Variants in PPFIA2 observed in about 807,000 individuals in gnomAD.
PPFIA2 encodes the protein liprin-alpha-2.
Under a neutral mutation model 175.5 loss-of-function variants are expected in PPFIA2, and 46 were observed. The observed-to-expected ratio is 0.26, with a 90% CI of 0.21 to 0.34. The LOEUF is 0.34. Ranked by LOEUF, PPFIA2 falls within the 10% of genes least tolerant of loss-of-function variation. The pLI is 1.00. For missense variants in PPFIA2, 1,179 were observed against 1,506.1 expected (o/e 0.78, Z 3.60); for synonymous variants, 568 against 511.4 (o/e 1.11, Z -1.49).
intron 6 of PPFIA2, among the ~76,000 whole-genome samples, chr12:81,442,277 T>C (rs2050317276): frequency 6.6e-6 from 1 of 152,096 alleles, no homozygotes; most frequent in Non-Finnish European, 1.5e-5. Context: ...TATTTTGAGT[T>C]ATGTTATAAA....
At chr12:81,627,481 A>G (rs1019647022) in intron 4 of PPFIA2, among the ~76,000 whole-genome samples, 1 of 152,182 alleles carries the variant, frequency 6.6e-6, no homozygotes, top group African/African-American at 2.4e-5. Flanking sequence ...CTAGGAAAGT[A>G]CTGACAGTCT....
chr12:81,632,408 A>AAT (rs1449795059), intron 4 of PPFIA2, among the ~76,000 whole-genome samples: 3 of 152,006 alleles, frequency 2.0e-5, no homozygotes, highest in East Asian at 1.9e-4. Context: ...TATATATGTA[A>AAT]ATATATATAT....
At chr12:81,593,998 G>A (rs944929343) in intron 4 of PPFIA2, among the ~76,000 whole-genome samples, 5 of 152,190 alleles carry the variant, frequency 3.3e-5, no homozygotes, top group South Asian at 2.1e-4. Context: ...TCACATTACC[G>A]CCTGAGCTCT....
At chr12:81,363,466 G>A (rs1486398440) in intron 14 of PPFIA2, among the ~76,000 whole-genome samples, 2 of 151,534 alleles carry the variant, frequency 1.3e-5, no homozygotes, top group African/African-American at 4.8e-5. Flanking sequence ...GATAGGGGTT[G>A]TCTTAGAGCT....
chr12:81,383,222 G>C (rs2141975915), intron 9 of PPFIA2, among the ~76,000 whole-genome samples: 1 of 152,184 alleles, frequency 6.6e-6, no homozygotes, highest in East Asian at 1.9e-4. Context: ...TGAACAACTA[G>C]CTAGTTATAT....
chr12:81,269,102 G>T (rs7135721), intron 28 of PPFIA2, among the ~76,000 whole-genome samples: 2 of 150,544 alleles, frequency 1.3e-5, no homozygotes, highest in Non-Finnish European at 2.9e-5. Flanking sequence ...GAAAAATGCC[G>T]TTTCTTTTTT....
At chr12:81,355,966 C>A (rs1475588519) in intron 16 of PPFIA2, among the ~76,000 whole-genome samples, 1 of 152,176 alleles carries the variant, frequency 6.6e-6, no homozygotes, top group Non-Finnish European at 1.5e-5. Flanking sequence ...CCTTCAGGAA[C>A]TTTTCCTTTG....
chr12:81,518,493 C>G (rs916528627), intron 4 of PPFIA2, among the ~76,000 whole-genome samples: 2 of 152,274 alleles, frequency 1.3e-5, no homozygotes, highest in Middle Eastern at 3.4e-3. Context: ...GTTCTCACCT[C>G]CCTAGCTATT....
At chr12:81,649,484 C>T (rs1250040840) in intron 4 of PPFIA2, among the ~76,000 whole-genome samples, 1 of 152,158 alleles carries the variant, frequency 6.6e-6, no homozygotes, top group Non-Finnish European at 1.5e-5. Flanking sequence ...AATGACATTT[C>T]ATTTTGGCAA....
chr12:81,493,235 A>G (rs1198999533), intron 4 of PPFIA2, among the ~76,000 whole-genome samples: 3 of 152,126 alleles, frequency 2.0e-5, no homozygotes, highest in Non-Finnish European at 4.4e-5. Flanking sequence ...AGACGCTAAT[A>G]TAGAAGTCAT....
chr12:81,392,833 C>T (rs929216760), intron 8 of PPFIA2, among the ~76,000 whole-genome samples: 2 of 151,958 alleles, frequency 1.3e-5, no homozygotes, highest in African/African-American at 4.8e-5. Flanking sequence ...GAGAACTTCA[C>T]TTTTTCACTT....
chr12:81,290,051 T>TA (rs945086758), intron 24 of PPFIA2, among the ~76,000 whole-genome samples: 2 of 151,542 alleles, frequency 1.3e-5, no homozygotes, highest in Non-Finnish European at 3.0e-5. Context: ...CTGAATCAAA[T>TA]AAAGTAGTAG....
At chr12:81,432,340 G>A (rs1197161677) in intron 7 of PPFIA2, among the ~76,000 whole-genome samples, 3 of 151,946 alleles carry the variant, frequency 2.0e-5, no homozygotes, top group Admixed American at 2.0e-4. Flanking sequence ...GAGTTCAAGC[G>A]ACCCTCCTGC....
intron 3 of PPFIA2, among the ~76,000 whole-genome samples, chr12:81,691,912 G>GTGAT (rs2075288572): frequency 6.6e-6 from 1 of 151,944 alleles, no homozygotes; most frequent in East Asian, 1.9e-4. Context: ...CTCTAAAATG[G>GTGAT]TTCCTAGTGA....
At position 81,694,042 on chromosome 12, in the gene PPFIA2, A is replaced by C. The variant is rs975612689; in HGVS notation, c.250-17198T>G. Among the ~76,000 whole-genome samples, 8 of 152,308 alleles carry C rather than the reference A, an allele frequency of 5.3e-5. 1 individual carries two copies. The highest frequency in any genetic ancestry group is 6.8e-3 in the Middle Eastern group (2 of 294). Reference sequence around the variant, plus strand: ...CTATGTTCAGATACAGGGGCAAAAAAAAATGACCTAAGATTGGAATTTATG... The same window carrying C: ...CTATGTTCAGATACAGGGGCAAAAACAAATGACCTAAGATTGGAATTTATG... On this transcript the variant is annotated intron_variant, in intron 3 of 32. Coordinates refer to ENST00000549396, the MANE Select transcript of PPFIA2 (RefSeq NM_003625.5).
intron 4 of PPFIA2, among the ~76,000 whole-genome samples, chr12:81,570,354 A>T (rs1015512003): frequency 6.6e-6 from 1 of 152,116 alleles, no homozygotes; most frequent in Non-Finnish European, 1.5e-5. Context: ...AATCCACACT[A>T]AAGTTTTTTT....
At chr12:81,615,923 T>C (rs912854232) in intron 4 of PPFIA2, among the ~76,000 whole-genome samples, 1 of 152,112 alleles carries the variant, frequency 6.6e-6, no homozygotes, top group African/African-American at 2.4e-5. Flanking sequence ...TAGAGCCATG[T>C]CCTTGAGTAG....
rs140628838 is a variant in PPFIA2 at position 81,695,989 on chromosome 12, A to C, written c.250-19145T>G. Among the ~76,000 whole-genome samples the C allele has an allele frequency of 1.4e-4, 21 of 152,320 alleles. 1 individual carries two copies. The highest frequency in any genetic ancestry group is 4.8e-4 in the African/African-American group (20 of 41,584). On this transcript the variant is annotated intron_variant, in intron 3 of 32. Coordinates refer to ENST00000549396, the MANE Select transcript of PPFIA2 (RefSeq NM_003625.5). ...TCAGCAAAAAGGCTAATTTAATATT[A>C]ACATATTGTGATTTTTGTGTGGTGT... is the stretch of plus-strand genomic sequence containing the variant.
At chr12:81,299,435 G>C in intron 22 of PPFIA2, 53 bp from the exon 23 acceptor site, 3 of 1,517,532 alleles carry the variant, frequency 2.0e-6, no homozygotes, top group South Asian at 1.2e-5. Flanking sequence ...ATATGGCTGT[G>C]ATTATTTTTA....
Sources: gnomAD v4.1 joint callset for allele counts (sites outside exome capture counted in the v4.1 genomes callset) on GRCh38, gnomAD v4.1.1 for gene constraint, MANE v1.5 for transcripts, NCBI Gene and HGNC (gene_info 2026-07-23, HGNC 2026-07-21) for gene names.